The following GALNT13 variants were observed in gnomAD, a reference collection of about 807,000 sequenced individuals.
The protein encoded by GALNT13 is polypeptide N-acetylgalactosaminyltransferase 13.
GALNT13 carries 28 observed loss-of-function variants against 64.2 expected under a neutral mutation model. The observed-to-expected ratio is 0.44, with a 90% CI of 0.32 to 0.60. The LOEUF (loss-of-function observed/expected upper bound fraction) is 0.60. Ranked by LOEUF, GALNT13 falls within the 20% of genes least tolerant of loss-of-function variation. The pLI is 0.05. For synonymous variants in GALNT13, 214 were observed against 224.6 expected (o/e 0.95, Z 0.42); for missense variants, 577 against 669.8 (o/e 0.86, Z 1.53).
chr2:154,184,766 A>G (rs1686161481), intron 4 of GALNT13, among the ~76,000 whole-genome samples: 1 of 152,146 alleles, frequency 6.6e-6, no homozygotes, highest in Non-Finnish European at 1.5e-5. Context: ...CTCACTTATT[A>G]CTGCAAGGAC....
At chr2:154,416,747 G>C (rs1027940181) in intron 11 of GALNT13, among the ~76,000 whole-genome samples, 1 of 152,126 alleles carries the variant, frequency 6.6e-6, no homozygotes, top group African/African-American at 2.4e-5. Context: ...GTGATCATTT[G>C]ATCAGTCAGG....
At chr2:153,509,317 G>A in the GALNT13 span, among the ~76,000 whole-genome samples, 1 of 152,192 alleles carries the variant, frequency 6.6e-6, no homozygotes, top group African/African-American at 2.4e-5. Flanking sequence ...TGAAAACGGG[G>A]CGGGGCTTCC....
chr2:153,408,290 A>T, the GALNT13 span, among the ~76,000 whole-genome samples: 1 of 152,132 alleles, frequency 6.6e-6, no homozygotes, highest in Non-Finnish European at 1.5e-5. Context: ...TTTCATACTG[A>T]GTAACACCTG....
chr2:153,407,628 C>T, the GALNT13 span, among the ~76,000 whole-genome samples: 1 of 152,160 alleles, frequency 6.6e-6, no homozygotes, highest in East Asian at 1.9e-4. Context: ...AGCTGCATCA[C>T]TGCTTGATTA....
chr2:153,633,891 A>G, the GALNT13 span, among the ~76,000 whole-genome samples: 1 of 152,220 alleles, frequency 6.6e-6, no homozygotes, highest in African/African-American at 2.4e-5. Flanking sequence ...TAACCAATAA[A>G]GTCTGTGGAC....
chr2:153,710,517 G>A, the GALNT13 span, among the ~76,000 whole-genome samples: 2 of 152,010 alleles, frequency 1.3e-5, no homozygotes, highest in African/African-American at 4.8e-5. Context: ...GAGAACAACT[G>A]GTGTAAGTAA....
At chr2:153,978,595 TTC>T (rs918483178) in intron 3 of GALNT13, among the ~76,000 whole-genome samples, 1 of 152,124 alleles carries the variant, frequency 6.6e-6, no homozygotes, top group African/African-American at 2.4e-5. Context: ...CTGCTTTTGC[TTC>T]TCTCTCATTT....
rs1177879235 is a variant in GALNT13 at position 154,137,628 on chromosome 2, A to G, written c.143-2709A>G. Among the ~76,000 whole-genome samples the G allele has an allele frequency of 3.3e-5, 5 of 152,162 alleles. No homozygotes were observed. The East Asian group carries it at 9.6e-4, about 29-fold the overall frequency. On this transcript the variant is annotated intron_variant, in intron 3 of 12. Transcript: ENST00000392825. ...ATAAAACTGTCATGCCTTTGAATAT[A>G]TTGCAAATATCAAATACTTCTGTGT...
At chr2:154,227,281 G>A (rs1688669183) in intron 4 of GALNT13, among the ~76,000 whole-genome samples, 1 of 151,912 alleles carries the variant, frequency 6.6e-6, no homozygotes, top group South Asian at 2.1e-4. Flanking sequence ...TTGCTTTTAG[G>A]TTTGTGATAG....
At chr2:153,698,101 A>T in the GALNT13 span, among the ~76,000 whole-genome samples, 1 of 152,214 alleles carries the variant, frequency 6.6e-6, no homozygotes, top group Non-Finnish European at 1.5e-5. Context: ...GAAGCACTAA[A>T]TATGGAAAGG....
rs1438234990 is a variant in GALNT13, at chr2:154,152,290, C to T, written c.311+11785C>T. On this transcript the variant is annotated intron_variant, in intron 4 of 12. Transcript: ENST00000392825. ...CTCTTCTGGCTTGTAGAGTTTCTGC[C>T]GAGAGATCCGCTGTTAGTCTGATGG... Among the ~76,000 whole-genome samples, 9 of 152,098 alleles carry T rather than the reference C, an allele frequency of 5.9e-5. No homozygotes were observed. The South Asian group carries it at 1.2e-3, about 21-fold the overall frequency.
the GALNT13 span, among the ~76,000 whole-genome samples, chr2:153,094,126 T>G: frequency 6.6e-6 from 1 of 152,198 alleles, no homozygotes; most frequent in Admixed American, 6.5e-5. Context: ...GAAAAAATCT[T>G]TTGTATTGTT....
the GALNT13 span, among the ~76,000 whole-genome samples, chr2:153,155,209 G>T: frequency 6.6e-6 from 1 of 152,070 alleles, no homozygotes; most frequent in Non-Finnish European, 1.5e-5. Flanking sequence ...TGTCTGCAAG[G>T]TTTTTGTATC....
At chr2:153,904,051 A>G (rs903274703) in intron 2 of GALNT13, among the ~76,000 whole-genome samples, 4 of 152,008 alleles carry the variant, frequency 2.6e-5, no homozygotes, top group African/African-American at 9.7e-5. Flanking sequence ...CCTGATTTTT[A>G]AATTAATGTA....
the GALNT13 span, among the ~76,000 whole-genome samples, chr2:153,318,350 A>G: frequency 6.6e-6 from 1 of 152,206 alleles, no homozygotes; most frequent in African/African-American, 2.4e-5. Context: ...TCCTCTGTCC[A>G]TCTTGATTTG....
chr2:153,311,512 G>A, the GALNT13 span, among the ~76,000 whole-genome samples: 2 of 152,330 alleles, frequency 1.3e-5, no homozygotes, highest in South Asian at 4.1e-4. Context: ...TTAGCTGAGT[G>A]GATTTGGCTC....
At chr2:154,009,501 C>CT (rs34094447) in intron 3 of GALNT13, among the ~76,000 whole-genome samples, 89,365 of 142,246 alleles carry the variant, frequency 0.63, 28,413 homozygotes, top group East Asian at 0.83. Flanking sequence ...GGTGTTATGG[C>CT]TTTTTTTTTT....
the GALNT13 span, among the ~76,000 whole-genome samples, chr2:153,629,279 G>C: frequency 1.3e-5 from 2 of 151,480 alleles, no homozygotes; most frequent in Non-Finnish European, 1.5e-5. Flanking sequence ...AAAACAGCAT[G>C]ATACTGGTAC....
intron 9 of GALNT13, among the ~76,000 whole-genome samples, chr2:154,380,660 T>C (rs926876529): frequency 5.3e-5 from 8 of 152,016 alleles, no homozygotes; most frequent in African/African-American, 1.9e-4. Context: ...TCTATCAATA[T>C]GTACAAATAT....
Sources: allele counts gnomAD v4.1 joint callset (sites outside exome capture counted in the v4.1 genomes callset), GRCh38; gene constraint gnomAD v4.1.1; transcripts MANE v1.5; gene names NCBI Gene and HGNC (gene_info 2026-07-23, HGNC 2026-07-21).